CNTNAP2: variants seen among roughly 807,000 people sequenced by gnomAD.
CNTNAP2 encodes contactin-associated protein-like 2.
In CNTNAP2, 98 loss-of-function variants were observed where a neutral mutation model predicts 155.2. That is an observed-to-expected ratio of 0.63 (90% CI 0.54 to 0.75). The LOEUF is 0.75. Ranked by LOEUF, CNTNAP2 falls within the 30% of genes least tolerant of loss-of-function variation. The probability of loss-of-function intolerance (pLI) is 0.00; values close to 1 mark genes in which losing one functional copy is unlikely to be tolerated. For missense variants in CNTNAP2, 1,727 were observed against 1,688.1 expected (o/e 1.02, Z -0.40); for synonymous variants, 651 against 631.2 (o/e 1.03, Z -0.47).
At chr7:146,178,479 T>A (rs1210582169) in intron 1 of CNTNAP2, among the ~76,000 whole-genome samples, 1 of 152,190 alleles carries the variant, frequency 6.6e-6, no homozygotes, top group Non-Finnish European at 1.5e-5. Flanking sequence ...ATTTTCTCAT[T>A]TAGATATTAC....
rs570558107 is a variant in CNTNAP2, at chr7:146,822,022, C to G, written c.209-17689C>G. Among the ~76,000 whole-genome samples, 4 of 151,978 alleles carry G rather than the reference C, an allele frequency of 2.6e-5. No homozygotes were observed. In the East Asian group the frequency reaches 7.7e-4, roughly 29 times the overall value. The stretch of plus-strand genomic sequence containing the variant: ...ATGCTGCTATAAAGACACATGCACA[C>G]GTATGTTTATTGCGGCACTATTCAC... On this transcript the variant is annotated intron_variant, in intron 2 of 23. Transcript: ENST00000361727.
intron 12 of CNTNAP2, among the ~76,000 whole-genome samples, chr7:147,591,576 G>A (rs1392526349): frequency 6.6e-6 from 1 of 151,992 alleles, no homozygotes; most frequent in Non-Finnish European, 1.5e-5. Context: ...TGCTTTTATT[G>A]CTACCACCTT....
At position 147,707,544 on chromosome 7, in the gene CNTNAP2, A is replaced by G. The variant is rs144777161; in HGVS notation, c.2098+68238A>G. Among the ~76,000 whole-genome samples, 381 of 152,280 alleles carry G rather than the reference A, an allele frequency of 2.5e-3. 1 individual carries two copies. Among genetic ancestry groups the G allele is most frequent in the African/African-American group, 8.7e-3 (363 of 41,556 alleles). On this transcript the variant is annotated intron_variant, in intron 13 of 23. Transcript: ENST00000361727. The stretch of plus-strand genomic sequence containing the variant: ...ACTGGTGGCCAGTCACAGGCCAAAC[A>G]TGCCTTTCCTTGGGCCCCAGGGCAA...
At chr7:146,721,142 TTATA>T (rs1801293621) in intron 1 of CNTNAP2, among the ~76,000 whole-genome samples, 1 of 132,898 alleles carries the variant, frequency 7.5e-6, no homozygotes, top group South Asian at 2.4e-4. Context: ...TATATTCTCT[TTATA>T]TATTCTATAT....
At chr7:147,386,423 C>A (rs1258335634) in intron 9 of CNTNAP2, among the ~76,000 whole-genome samples, 2 of 152,264 alleles carry the variant, frequency 1.3e-5, no homozygotes, top group Non-Finnish European at 1.5e-5. Context: ...ATGCCTTTAA[C>A]AGCACGCATT....
At chr7:146,629,419 T>C (rs1003140273) in intron 1 of CNTNAP2, among the ~76,000 whole-genome samples, 2 of 152,196 alleles carry the variant, frequency 1.3e-5, no homozygotes, top group African/African-American at 4.8e-5. Context: ...AAAAATGCTA[T>C]AACTTTATCA....
At chr7:148,106,922 C>T (rs1008150548) in intron 15 of CNTNAP2, among the ~76,000 whole-genome samples, 114 of 152,190 alleles carry the variant, frequency 7.5e-4, no homozygotes, top group African/African-American at 2.6e-3. Flanking sequence ...CATGACACAC[C>T]TAGCTATTCA....
chr7:146,648,289 G>T (rs1409095326), intron 1 of CNTNAP2, among the ~76,000 whole-genome samples: 1 of 152,102 alleles, frequency 6.6e-6, no homozygotes, highest in Non-Finnish European at 1.5e-5. Context: ...CATATAGGGG[G>T]TGAGAAAACA....
chr7:147,509,708 G>C (rs1798981803), intron 11 of CNTNAP2, among the ~76,000 whole-genome samples: 1 of 151,900 alleles, frequency 6.6e-6, no homozygotes, highest in Non-Finnish European at 1.5e-5. Flanking sequence ...AAACTTCAGG[G>C]ACAGAAAAGC....
chr7:146,701,876 G>T (rs1311472745), intron 1 of CNTNAP2, among the ~76,000 whole-genome samples: 2 of 152,170 alleles, frequency 1.3e-5, no homozygotes, highest in South Asian at 2.1e-4. Flanking sequence ...AAACTTCTGT[G>T]GACAAAACAT....
At chr7:146,621,960 A>G (rs1799325386) in intron 1 of CNTNAP2, among the ~76,000 whole-genome samples, 1 of 152,102 alleles carries the variant, frequency 6.6e-6, no homozygotes, top group South Asian at 2.1e-4. Context: ...AATTTGGATT[A>G]TATTCTAATA....
chr7:146,776,359 G>A (rs946172535), intron 2 of CNTNAP2, among the ~76,000 whole-genome samples: 13 of 152,136 alleles, frequency 8.5e-5, no homozygotes, highest in Non-Finnish European at 1.8e-4. Context: ...GTAAATTTGG[G>A]CAAGTCAGGT....
At chr7:146,802,454 A>G (rs1413104900) in intron 2 of CNTNAP2, among the ~76,000 whole-genome samples, 1 of 152,192 alleles carries the variant, frequency 6.6e-6, no homozygotes, top group African/African-American at 2.4e-5. Flanking sequence ...CCCAAATCTC[A>G]TGTTAAATTG....
chr7:147,721,189 A>G (rs562161016), intron 13 of CNTNAP2, among the ~76,000 whole-genome samples: 1 of 151,712 alleles, frequency 6.6e-6, no homozygotes, highest in Non-Finnish European at 1.5e-5. Flanking sequence ...GCTGGTTTCT[A>G]TGTTGTTGTT....
chr7:146,351,738 A>G (rs7799181), intron 1 of CNTNAP2, among the ~76,000 whole-genome samples: 12,723 of 152,268 alleles, frequency 0.084, 1,140 homozygotes, highest in African/African-American at 0.22. Context: ...TTATATTGCC[A>G]TCGTCATTAG....
rs200836992 is a variant in CNTNAP2 at position 146,491,466 on chromosome 7, AC to A, written c.98-282804del. ...TATTGTATTTTTTTTTCTTATGGGG[AC>A]TTTTGCAACTCAGATTAGGGCGTTT... On this transcript the variant is annotated intron_variant, in intron 1 of 23. Transcript: ENST00000361727. Among the ~76,000 whole-genome samples the A allele has an allele frequency of 5.5e-3, 831 of 151,222 alleles. 5 individuals are homozygous for A. In the Middle Eastern group the frequency reaches 0.068, roughly 12 times the overall value.
At chr7:148,344,058 C>A (rs865876543) in intron 21 of CNTNAP2, among the ~76,000 whole-genome samples, 3 of 152,190 alleles carry the variant, frequency 2.0e-5, no homozygotes, top group Admixed American at 6.5e-5. Context: ...TGGGTGAGAG[C>A]GTTGTCCGGG....
intron 8 of CNTNAP2, chr7:147,146,848 C>G (rs1355363616): frequency 6.6e-6 from 1 of 152,128 alleles, no homozygotes; most frequent in Non-Finnish European, 1.5e-5. Context: ...TAGTGTTTTG[C>G]AATTCTGTCA....
In CNTNAP2 at chr7:146,401,283, A is replaced by G. The variant is rs770863537; in HGVS notation, c.97+284310A>G. Among the ~76,000 whole-genome samples the G allele has an allele frequency of 9.7e-4, 147 of 152,194 alleles. 2 individuals carry two copies. The highest frequency in any genetic ancestry group is 1.0e-3 in the Admixed American group (16 of 15,276). On this transcript the variant is annotated intron_variant, in intron 1 of 23. Transcript: ENST00000361727. The stretch of plus-strand genomic sequence containing the variant: ...CAAGACAGTAGGGCCTACAGAGGCT[A>G]AAAATCAGCATCTCATTTTTCAGTC...
Sources: gnomAD v4.1 joint callset for allele counts (sites outside exome capture counted in the v4.1 genomes callset) on GRCh38, gnomAD v4.1.1 for gene constraint, MANE v1.5 for transcripts, NCBI Gene and HGNC (gene_info 2026-07-23, HGNC 2026-07-21) for gene names.